PTPN1: variants seen among roughly 807,000 people sequenced by gnomAD.
PTPN1 encodes the protein protein tyrosine phosphatase non-receptor type 1, also known as tyrosine-protein phosphatase non-receptor type 1.
PTPN1 carries 12 observed loss-of-function variants against 59.9 expected under a neutral mutation model. The observed-to-expected ratio is 0.20, with a 90% CI of 0.13 to 0.32. The LOEUF (loss-of-function observed/expected upper bound fraction) is 0.32. PTPN1 is among the 10% of genes least tolerant of loss of function. The probability of loss-of-function intolerance (pLI) is 1.00; values close to 1 mark genes in which losing one functional copy is unlikely to be tolerated. For missense variants in PTPN1, 356 were observed against 549.2 expected, an observed-to-expected ratio of 0.65 and a Z score of 3.52; for synonymous variants, 178 against 203.6, an observed-to-expected ratio of 0.87 and a Z score of 1.07.
In PTPN1 at chr20:50,558,158, G is replaced by A. The variant is rs1486081868; in HGVS notation, c.64-3205G>A. On this transcript the variant is annotated intron_variant, in intron 1 of 9. Coordinates refer to ENST00000371621, the MANE Select transcript of PTPN1 (RefSeq NM_002827.4). ...TGATAATTGCCTTTTTTTTTAATTT[G>A]CATAATTTTCTTTGTAGCTTTTGCT... 2.6e-5 allele frequency among the ~76,000 whole-genome samples: 4 copies of A among 151,622 alleles called. No individual in the cohort carries two copies. The East Asian group carries it at 7.7e-4, about 29-fold the overall frequency.
chr20:50,512,021 T>C (rs1429192391), intron 1 of PTPN1, among the ~76,000 whole-genome samples: 1 of 152,264 alleles, frequency 6.6e-6, no homozygotes, highest in African/African-American at 2.4e-5. Context: ...CAAGCTTATT[T>C]GACAGGATTC....
chr20:50,533,605 G>A (rs2082610769), intron 1 of PTPN1, among the ~76,000 whole-genome samples: 2 of 152,150 alleles, frequency 1.3e-5, no homozygotes, highest in South Asian at 4.1e-4. Flanking sequence ...GTCGAGAGCT[G>A]GAGGCCCCTT....
chr20:50,553,465 G>C (rs2082712415), intron 1 of PTPN1, among the ~76,000 whole-genome samples: 1 of 152,174 alleles, frequency 6.6e-6, no homozygotes. Flanking sequence ...ACACTTTGTA[G>C]GGTGTCTCTT....
At chr20:50,545,441 A>T (rs1442215064) in intron 1 of PTPN1, among the ~76,000 whole-genome samples, 1 of 152,214 alleles carries the variant, frequency 6.6e-6, no homozygotes, top group African/African-American at 2.4e-5. Flanking sequence ...ATGATTTTAA[A>T]TCTTTGCTGT....
At chr20:50,554,380 A>ACTCTCTCTCTCTCTCTCTC (rs1555829976) in intron 1 of PTPN1, among the ~76,000 whole-genome samples, 2 of 140,200 alleles carry the variant, frequency 1.4e-5, no homozygotes, top group African/African-American at 2.7e-5. Flanking sequence ...GCAAGACCAC[A>ACTCTCTCTCTCTCTCTCTC]TCTCTCTCTC....
intron 1 of PTPN1, among the ~76,000 whole-genome samples, chr20:50,539,644 C>CTTTTTTTTTT (rs5841806): frequency 1.1e-4 from 10 of 90,524 alleles, no homozygotes; most frequent in African/African-American, 1.4e-4. Flanking sequence ...CTCTTTCTCT[C>CTTTTTTTTTT]TTTTTTTTTT....
intron 1 of PTPN1, among the ~76,000 whole-genome samples, chr20:50,541,983 A>ACTTC (rs2082655056): frequency 6.6e-6 from 1 of 152,118 alleles, no homozygotes; most frequent in Non-Finnish European, 1.5e-5. Flanking sequence ...TGTAGAATAG[A>ACTTC]CTTCCCCTCT....
chr20:50,567,750 G>A (rs1219163829), intron 3 of PTPN1, among the ~76,000 whole-genome samples: 4 of 152,222 alleles, frequency 2.6e-5, no homozygotes, highest in African/African-American at 9.6e-5. Context: ...GTTGGGCCAA[G>A]GATGGAGGCT....
At chr20:50,518,077 T>G (rs2082536750) in intron 1 of PTPN1, among the ~76,000 whole-genome samples, 1 of 152,246 alleles carries the variant, frequency 6.6e-6, no homozygotes, top group Admixed American at 6.5e-5. Flanking sequence ...TTGTCTCTGT[T>G]AAGAAACGTT....
chr20:50,527,024 CA>C (rs1034360009), intron 1 of PTPN1, among the ~76,000 whole-genome samples: 3 of 152,220 alleles, frequency 2.0e-5, no homozygotes, highest in African/African-American at 7.2e-5. Context: ...ATTTCTCTCA[CA>C]GGGGAAAAGG....
At position 50,547,373 on chromosome 20, in the gene PTPN1, C is replaced by CTT. The variant is rs35446030; in HGVS notation, c.64-13979_64-13978dup. Reference sequence around the variant, plus strand: ...CCCAAATTCATTTTATCTGCATTAACTTTTTTTTTTTTGAGAGTCTCGCTC... The same window carrying CTT: ...CCCAAATTCATTTTATCTGCATTAACTTTTTTTTTTTTTTGAGAGTCTCGCTC... On this transcript the variant is annotated intron_variant, in intron 1 of 9. Coordinates refer to ENST00000371621, the MANE Select transcript of PTPN1 (RefSeq NM_002827.4). 4.0e-3 allele frequency among the ~76,000 whole-genome samples: 595 copies of CTT among 147,294 alleles called. 1 individual carries two copies. Among genetic ancestry groups the CTT allele is most frequent in the Admixed American group, 7.6e-3 (112 of 14,756 alleles).
rs192078601 is a variant in PTPN1, at chr20:50,535,218, T to C, written c.63+24628T>C. ...CTACTTGAAAACTTCCATTCCCCAT[T>C]GATGAGGGTGTTACCTCCAGATTCC... On this transcript the variant is annotated intron_variant, in intron 1 of 9. Transcript: ENST00000371621. Among the ~76,000 whole-genome samples, 20 of 152,308 alleles carry C rather than the reference T, an allele frequency of 1.3e-4. No homozygotes were observed. The East Asian group carries it at 3.5e-3, about 26-fold the overall frequency.
chr20:50,546,971 C>A (rs1275200815), intron 1 of PTPN1, among the ~76,000 whole-genome samples: 1 of 152,158 alleles, frequency 6.6e-6, no homozygotes, highest in Non-Finnish European at 1.5e-5. Context: ...GTAAACAAAA[C>A]AGAAGTGAAA....
At chr20:50,538,419 C>A (rs928922564) in intron 1 of PTPN1, among the ~76,000 whole-genome samples, 1 of 152,038 alleles carries the variant, frequency 6.6e-6, no homozygotes, top group Non-Finnish European at 1.5e-5. Flanking sequence ...AAGCAAACAG[C>A]AAGGACCTGA....
intron 1 of PTPN1, among the ~76,000 whole-genome samples, chr20:50,527,768 T>A (rs1601389899): frequency 6.6e-6 from 1 of 152,334 alleles, no homozygotes; most frequent in Admixed American, 6.5e-5. Flanking sequence ...ATATTGAATA[T>A]TCCCTTCCCT....
chr20:50,530,486 G>C (rs550265201), intron 1 of PTPN1, among the ~76,000 whole-genome samples: 1 of 152,102 alleles, frequency 6.6e-6, no homozygotes, highest in East Asian at 1.9e-4. Flanking sequence ...AGCCTCCTGA[G>C]TAGCTGGGAC....
At chr20:50,515,979 A>T (rs6067472) in intron 1 of PTPN1, among the ~76,000 whole-genome samples, 57,627 of 152,004 alleles carry the variant, frequency 0.38, 10,861 homozygotes, top group African/African-American at 0.4. Context: ...GATACCACTG[A>T]TTTGTTTCAC....
intron 4 of PTPN1, among the ~76,000 whole-genome samples, chr20:50,569,047 G>A (rs1026941604): frequency 4.6e-5 from 7 of 152,224 alleles, no homozygotes; most frequent in Admixed American, 2.0e-4. Flanking sequence ...GTGGCTGCAC[G>A]GTGTCCATTT....
intron 5 of PTPN1, among the ~76,000 whole-genome samples, chr20:50,576,843 C>T (rs2082839409): frequency 6.6e-6 from 1 of 152,150 alleles, no homozygotes; most frequent in Non-Finnish European, 1.5e-5. Context: ...CCACTGCATT[C>T]CAGCCTGGGC....
Sources: gnomAD v4.1 joint callset for allele counts (sites outside exome capture counted in the v4.1 genomes callset) on GRCh38, gnomAD v4.1.1 for gene constraint, MANE v1.5 for transcripts, NCBI Gene and HGNC (gene_info 2026-07-23, HGNC 2026-07-21) for gene names.